The following WDR33 variants were observed in gnomAD, a reference collection of about 807,000 sequenced individuals.
WDR33 encodes the protein pre-mRNA 3' end processing protein WDR33.
A neutral mutation model predicts 164.9 loss-of-function variants in WDR33; 47 were observed. That is an observed-to-expected ratio of 0.29 (90% CI 0.23 to 0.36). The LOEUF is 0.36. Among genes scored for constraint, WDR33 ranks in the 10% least tolerant of loss-of-function variants. The probability of loss-of-function intolerance (pLI) is 1.00; values close to 1 mark genes in which losing one functional copy is unlikely to be tolerated. For missense variants in WDR33, 1,137 were observed against 1,754.1 expected, an observed-to-expected ratio of 0.65 and a Z score of 6.28; for synonymous variants, 505 against 589.0, an observed-to-expected ratio of 0.86 and a Z score of 2.06.
In WDR33 at chr2:127,711,914, A is replaced by G. The variant is rs982769961; in HGVS notation, c.3308+1669T>C. On this transcript the variant is annotated intron_variant, in intron 18 of 21. Coordinates refer to ENST00000322313, the MANE Select transcript of WDR33 (RefSeq NM_018383.5). ...CAGCCTTCCGAGTAGCTGGGATTAC[A>G]GGCACGCACCACCATGCCCGGCTAA... Among the ~76,000 whole-genome samples, 17 of 150,874 alleles carry G rather than the reference A, an allele frequency of 1.1e-4. No individual in the cohort carries two copies. The Middle Eastern group carries it at 0.01, about 91-fold the overall frequency.
At chr2:127,765,745 G>T (rs1428895267) in intron 4 of WDR33, among the ~76,000 whole-genome samples, 1 of 150,118 alleles carries the variant, frequency 6.7e-6, no homozygotes, top group East Asian at 2.0e-4. Context: ...AATAAGTACC[G>T]ATTTAAGGAC....
At chr2:127,744,906 C>G (rs1687122447) in intron 7 of WDR33, among the ~76,000 whole-genome samples, 1 of 152,136 alleles carries the variant, frequency 6.6e-6, no homozygotes, top group South Asian at 2.1e-4. Flanking sequence ...ATAGAATATA[C>G]CTTTCACCAT....
chr2:127,711,796 A>G (rs1686186407), intron 18 of WDR33, among the ~76,000 whole-genome samples: 1 of 68,648 alleles, frequency 1.5e-5, no homozygotes, highest in Non-Finnish European at 2.7e-5. Context: ...TTTTTGAGAC[A>G]GAGTCTCGCC....
intron 1 of WDR33, among the ~76,000 whole-genome samples, chr2:127,788,723 A>C: frequency 1.5e-5 from 2 of 137,242 alleles, no homozygotes; most frequent in African/African-American, 5.5e-5. Flanking sequence ...TCCCTCCCGG[A>C]TGGCACGGCT....
intron 1 of WDR33, among the ~76,000 whole-genome samples, chr2:127,791,159 A>C (rs866004637): frequency 0.2 from 6,483 of 33,164 alleles, no homozygotes; most frequent in Non-Finnish European, 0.21. Context: ...CTCTTTCCCC[A>C]CCCCACCCCC....
intron 1 of WDR33, among the ~76,000 whole-genome samples, chr2:127,783,476 T>C (rs1688443081): frequency 6.6e-6 from 1 of 152,132 alleles, no homozygotes; most frequent in Non-Finnish European, 1.5e-5. Flanking sequence ...AGGGTTTTCC[T>C]ACCCAGGTGA....
rs1686512621 is a variant in WDR33, at chr2:127,724,359, G to C, written c.1170C>G (p.Leu390=). 1.2e-6 allele frequency: 2 copies of C among 1,614,128 alleles called. No individual in the cohort carries two copies. Among genetic ancestry groups the C allele is most frequent in the Non-Finnish European group, 1.7e-6 (2 of 1,180,006 alleles). ...TAGTATGGTCATTTGAGCCTGAGCA[G>C]AGAATATGCCCAAGAGGATGCCAAG... ...SLAWHPLGHI[L]CSGSNDHTSK... The change falls in exon 11 of 22, where the codon CTC becomes CTG. Residue 390 remains leucine, a synonymous_variant. Coordinates refer to ENST00000322313, the MANE Select transcript of WDR33 (RefSeq NM_018383.5). The surrounding 1 kb of genome is among the most constrained non-coding windows in gnomAD (Gnocchi z 4.8).
chr2:127,750,884 T>C (rs1344499304), intron 7 of WDR33, among the ~76,000 whole-genome samples: 1 of 150,548 alleles, frequency 6.6e-6, no homozygotes, highest in Non-Finnish European at 1.5e-5. Context: ...AAACTGAAGG[T>C]ATTTTACAGT....
intron 1 of WDR33, among the ~76,000 whole-genome samples, chr2:127,801,214 G>A (rs969941558): frequency 2.6e-5 from 4 of 152,070 alleles, no homozygotes; most frequent in African/African-American, 7.2e-5. Flanking sequence ...AGCCCGGGAC[G>A]TTGAGGCACA....
At chr2:127,711,775 TATATA>T (rs1360884044) in intron 18 of WDR33, among the ~76,000 whole-genome samples, 26 of 99,878 alleles carry the variant, frequency 2.6e-4, no homozygotes, top group South Asian at 3.8e-4. Context: ...TATATATATA[TATATA>T]TTTTTTTTTT....
chr2:127,786,919 G>C lies in WDR33; in HGVS notation c.-23-15915C>G, dbSNP rs57966885. Among the ~76,000 whole-genome samples the C allele has an allele frequency of 1.4e-4, 17 of 124,634 alleles. No homozygotes were observed. In the East Asian group the frequency reaches 3.9e-3, roughly 29 times the overall value. 81.8% of individuals were successfully genotyped at this position (124,634 alleles called of 152,430 possible). A position where few individuals can be genotyped will look rare whatever the true frequency, so the allele number is the denominator to read the frequency against. On this transcript the variant is annotated intron_variant, in intron 1 of 21. Transcript: ENST00000322313. Reference sequence around the variant, plus strand: ...GTTTCTCACAGAGGGGGATTTGGCAGGGTCATGGGACAATAGTGGAGGGAA... The same window carrying C: ...GTTTCTCACAGAGGGGGATTTGGCACGGTCATGGGACAATAGTGGAGGGAA...
At chr2:127,805,877 GCCAC>G (rs1689420100) in intron 1 of WDR33, among the ~76,000 whole-genome samples, 2 of 151,580 alleles carry the variant, frequency 1.3e-5, no homozygotes, top group Non-Finnish European at 2.9e-5. Context: ...AATATCTGTT[GCCAC>G]CTATAGCTGG....
Position 127,709,803 on chromosome 2 carries a change from C to T in WDR33, c.3362G>A (p.Arg1121Lys). The T allele has an allele frequency of 6.2e-7, 1 of 1,614,240 alleles. No homozygotes were observed. The highest frequency in any genetic ancestry group is 8.5e-7 in the Non-Finnish European group (1 of 1,180,056). The change falls in exon 19 of 22, where the codon AGG (arginine) becomes AAG (lysine). Residue 1121 changes from arginine (R) to lysine (K), a missense_variant. Arg to Lys is a conservative substitution (Grantham distance 26). Around this residue, in one of 9 missense-constraint regions of WDR33, gnomAD observed 867 missense variants for 1,073.0 expected, o/e 0.81. Coordinates refer to ENST00000322313, the MANE Select transcript of WDR33 (RefSeq NM_018383.5). This position sits in a 1 kb window ranked among gnomAD's most constrained non-coding sequence, Gnocchi z 5.0. ...RHEGRAPPRG[R>K]DGFPGPEDFG... ...GTCTTCAGGACCAGGAAAACCATCC[C>T]TTCCTCTGGGGGGAGCACGGCCCTC... is the stretch of plus-strand genomic sequence containing the variant.
Position 127,723,673 on chromosome 2 carries a change from A to G in WDR33, c.1197-326T>C, listed in dbSNP as rs1198574655. The stretch of plus-strand genomic sequence containing the variant: ...CTACTCACGAGGATAAGGCGGGAAG[A>G]TGGCTTGAGCCCAGGAGTTTGAGGC... On this transcript the variant is annotated intron_variant, in intron 11 of 21. Transcript: ENST00000322313. The surrounding 1 kb of genome is among the most constrained non-coding windows in gnomAD (Gnocchi z 5.9). Among the ~76,000 whole-genome samples the G allele has an allele frequency of 6.6e-6, 1 of 151,846 alleles. No homozygotes were observed. The highest frequency in any genetic ancestry group is 1.5e-5 in the Non-Finnish European group (1 of 67,992).
chr2:127,787,714 T>C (rs1326454481), intron 1 of WDR33, among the ~76,000 whole-genome samples: 24 of 58,366 alleles, frequency 4.1e-4, no homozygotes, highest in South Asian at 1.9e-3. Context: ...GGCGGGGGGC[T>C]GACACCCCCA....
Position 127,709,625 on chromosome 2 carries a change from G to C in WDR33, c.3473-43C>G, listed in dbSNP as rs772859814. On this transcript the variant is annotated intron_variant, in intron 19 of 21. Coordinates refer to ENST00000322313, the MANE Select transcript of WDR33 (RefSeq NM_018383.5). The surrounding 1 kb of genome is among the most constrained non-coding windows in gnomAD (Gnocchi z 5.0). The stretch of plus-strand genomic sequence containing the variant: ...CAATGCTGCACTCAGACTGTTCCTG[G>C]TGTATTCACAACCAGTGTATTCTGC... 18 of 1,612,640 alleles carry C rather than the reference G, an allele frequency of 1.1e-5. No individual in the cohort carries two copies. The highest frequency in any genetic ancestry group is 1.4e-5 in the Non-Finnish European group (17 of 1,178,694).
intron 7 of WDR33, among the ~76,000 whole-genome samples, chr2:127,750,745 C>T (rs143420797): frequency 6.4e-5 from 5 of 78,204 alleles, no homozygotes; most frequent in Admixed American, 1.7e-4. Flanking sequence ...TGTATGCATA[C>T]ATATATATGT....
Position 127,713,969 on chromosome 2 carries a change from C to T in WDR33, c.2922G>A (p.Arg974=). The change falls in exon 18 of 22, where the codon CGG becomes CGA. Residue 974 remains arginine (R), a synonymous_variant. Transcript: ENST00000322313. The surrounding 1 kb of genome is among the most constrained non-coding windows in gnomAD (Gnocchi z 6.2). The stretch of plus-strand genomic sequence containing the variant: ...GCTCAGGCCCGCCGCTCTGCTCATG[C>T]CGCCTCTCTGACATCGGGCCCATGT... The part of the protein sequence containing the change: ...NHHMGPMSER[R]HEQSGGPEHG... The T allele has an allele frequency of 6.4e-7, 1 of 1,562,342 alleles. No individual in the cohort carries two copies. Among genetic ancestry groups the T allele is most frequent in the South Asian group, 1.2e-5 (1 of 83,056 alleles).
At chr2:127,725,249 T>C (rs757535919) in intron 8 of WDR33, 34 bp from the exon 9 acceptor site, 34 of 1,569,144 alleles carry the variant, frequency 2.2e-5, no homozygotes, top group Non-Finnish European at 2.8e-5. Flanking sequence ...AATGTCAGAA[T>C]TCAAAACAAG....
Sources: gnomAD v4.1 joint callset for allele counts (sites outside exome capture counted in the v4.1 genomes callset) on GRCh38, gnomAD v4.1.1 for gene constraint, gnomAD v4.1.1 regional missense constraint, Gnocchi (gnomAD v3.1) non-coding constraint, MANE v1.5 for transcripts, NCBI Gene and HGNC (gene_info 2026-07-23, HGNC 2026-07-21) for gene names.